ZNF749: variants seen among roughly 807,000 people sequenced by gnomAD.
ZNF749 encodes zinc finger protein 749.
Under a neutral mutation model 7.3 loss-of-function variants are expected in ZNF749, and 8 were observed. The observed-to-expected ratio is 1.10, with a 90% CI of 0.64 to 1.98. ZNF749 has a LOEUF of 1.98. Ranked by LOEUF, ZNF749 falls within the 30% of genes most tolerant of loss-of-function variation. ZNF749 has a pLI of 0.00. For missense variants in ZNF749, 898 were observed against 932.4 expected (o/e 0.96, Z 0.48); for synonymous variants, 310 against 322.4 (o/e 0.96, Z 0.41).
upstream of ZNF749, among the ~76,000 whole-genome samples, chr19:57,430,475 A>G (rs1298560329): frequency 2.0e-5 from 3 of 152,254 alleles, no homozygotes; most frequent in South Asian, 4.1e-4. Context: ...AAACCATAAC[A>G]TGGTGTAAGT....
In ZNF749 at chr19:57,444,916, G is replaced by C. The variant is rs1390805305; in HGVS notation, c.1768G>C (p.Gly590Arg). 1.2e-6 allele frequency: 2 copies of C among 1,614,086 alleles called. No homozygotes were observed. The highest frequency in any genetic ancestry group is 1.7e-6 in the Non-Finnish European group (2 of 1,179,974). Residue 590 changes from glycine to arginine, a missense_variant, in exon 3 of 3, where the codon GGG becomes CGG. Physicochemically the swap from Gly to Arg is moderately radical, Grantham distance 125. Transcript: ENST00000334181. Reference sequence around the variant, plus strand: ...ACGGCGTTATGAATGCAATGAATGTGGGAAATTCTTTTTGGACAGCTACAA... The same window carrying C: ...ACGGCGTTATGAATGCAATGAATGTCGGAAATTCTTTTTGGACAGCTACAA... ...GERRYECNEC[G>R]KFFLDSYKLV...
At chr19:57,433,936 G>A (rs1195425297), upstream of ZNF749, among the ~76,000 whole-genome samples, 1 of 152,078 alleles carries the variant, frequency 6.6e-6, no homozygotes, top group Non-Finnish European at 1.5e-5. Context: ...GTAAAAAGCT[G>A]AATAAAGCCA....
intron 1 of ZNF749, among the ~76,000 whole-genome samples, chr19:57,437,261 T>A (rs1038934873): frequency 1.4e-5 from 2 of 147,512 alleles, no homozygotes; most frequent in Non-Finnish European, 3.0e-5. Flanking sequence ...GTCTGGGCTA[T>A]TTTTTTTTTT....
chr19:57,441,419 A>G (rs1194245745), intron 1 of ZNF749, among the ~76,000 whole-genome samples: 2 of 152,164 alleles, frequency 1.3e-5, no homozygotes, highest in East Asian at 3.9e-4. Context: ...GATGACAGAG[A>G]GGCTAATGGC....
Position 57,444,584 on chromosome 19 carries a change from G to C in ZNF749, c.1436G>C (p.Arg479Thr). Reference protein sequence around the residue: ...DLIQHKRIDIRPRPYTCSECG... With the variant: ...DLIQHKRIDITPRPYTCSECG... ...ATTCAACACAAGAGGATTGACATTAGGCCAAGGCCTTATACATGCAGTGAA... is the reference window on the plus strand; with the variant it reads ...ATTCAACACAAGAGGATTGACATTACGCCAAGGCCTTATACATGCAGTGAA... Residue 479 changes from arginine (R) to threonine (T), a missense_variant, in exon 3 of 3, where the codon AGG becomes ACG. Arg to Thr is a moderately conservative substitution (Grantham distance 71). Coordinates refer to ENST00000334181, the MANE Select transcript of ZNF749 (RefSeq NM_001023561.4). The C allele has an allele frequency of 6.2e-7, 1 of 1,613,542 alleles. No homozygotes were observed.
upstream of ZNF749, among the ~76,000 whole-genome samples, chr19:57,433,646 C>T (rs1170209890): frequency 6.7e-6 from 1 of 148,582 alleles, no homozygotes; most frequent in African/African-American, 2.5e-5. Context: ...AACTGGTTGG[C>T]AAACTAAATT....
rs1256536027 is a variant in ZNF749, at chr19:57,435,612, G to A, written c.15+19G>A. 6.2e-7 allele frequency: 1 copy of A among 1,601,172 alleles called. No individual in the cohort carries two copies. Among genetic ancestry groups the A allele is most frequent in the African/African-American group, 1.3e-5 (1 of 74,862 alleles). ...GACCGAGGTGCGTGCAGCGTCCCAG[G>A]CCGCCCCGCCCAACCCCTCCTCCCA... On this transcript the variant is annotated intron_variant, in intron 1 of 2. Transcript: ENST00000334181.
chr19:57,433,503 G>C (rs929720625), upstream of ZNF749, among the ~76,000 whole-genome samples: 4 of 152,150 alleles, frequency 2.6e-5, no homozygotes, highest in Admixed American at 2.6e-4. Context: ...ACGTTAGTGG[G>C]ATTTCTTATT....
upstream of ZNF749, among the ~76,000 whole-genome samples, chr19:57,432,537 G>C (rs2088903931): frequency 7.0e-6 from 1 of 142,926 alleles, no homozygotes; most frequent in Non-Finnish European, 1.5e-5. Flanking sequence ...ACTGCAGCCT[G>C]GGCAACAGAG....
chr19:57,441,145 A>C (rs7255612), intron 1 of ZNF749, among the ~76,000 whole-genome samples: 44,595 of 141,232 alleles, frequency 0.32, 7,225 homozygotes, highest in African/African-American at 0.34. Flanking sequence ...AAAAGAGGGT[A>C]GGGCGCCCTG....
In ZNF749 at chr19:57,443,685, G is replaced by C. The variant is rs150342259; in HGVS notation, c.537G>C (p.Leu179=). The C allele has an allele frequency of 3.7e-6, 6 of 1,613,984 alleles. No individual in the cohort carries two copies. The African/African-American group carries it at 6.7e-5, about 18-fold the overall frequency. The change falls in exon 3 of 3, where the codon CTG becomes CTC. Residue 179 remains leucine (L), a synonymous_variant. Coordinates refer to ENST00000334181, the MANE Select transcript of ZNF749 (RefSeq NM_001023561.4). The part of the protein sequence containing the change: ...QQQVLNSGWK[L]YRDTQDGEAF... ...AGGTCTTAAACAGTGGGTGGAAGCTGTACAGGGATACCCAGGATGGGGAAG... is the reference window on the plus strand; with the variant it reads ...AGGTCTTAAACAGTGGGTGGAAGCTCTACAGGGATACCCAGGATGGGGAAG...
At position 57,445,173 on chromosome 19, in the gene ZNF749, GTTTC is replaced by G. The variant is rs1227134022; in HGVS notation, c.2028_2031del (p.Phe676LeufsTer50). 6.2e-7 allele frequency: 1 copy of G among 1,614,164 alleles called. No individual in the cohort carries two copies. The highest frequency in any genetic ancestry group is 1.7e-5 in the Admixed American group (1 of 60,020). On this transcript the variant is annotated frameshift_variant, in exon 3 of 3. Transcript: ENST00000334181. LOFTEE classifies it low-confidence loss of function (END_TRUNC). Reference sequence around the variant, plus strand: ...CTTATGAATGCAGCAACTGTGGGAAGTTTCTTAGATACCGCTCTACATTCATTAA... The same window carrying G: ...CTTATGAATGCAGCAACTGTGGGAAGTTAGATACCGCTCTACATTCATTAA...
In ZNF749 at chr19:57,443,288, C is replaced by T; in HGVS notation, c.143-3C>T. The T allele has an allele frequency of 2.5e-6, 4 of 1,589,620 alleles. No homozygotes were observed. Among genetic ancestry groups the T allele is most frequent in the South Asian group, 2.3e-5 (2 of 87,392 alleles). The stretch of plus-strand genomic sequence containing the variant: ...CACTTCACCAGCATTTCTGTTCTTA[C>T]AGGTTGTTGGCATGGAGCCAAGGAT... On this transcript the variant is annotated splice_region_variant and splice_polypyrimidine_tract_variant and intron_variant, in intron 2 of 2. Coordinates refer to ENST00000334181, the MANE Select transcript of ZNF749 (RefSeq NM_001023561.4).
Position 57,443,501 on chromosome 19 carries a change from A to G in ZNF749, c.353A>G (p.His118Arg), listed in dbSNP as rs1462878359. 1.2e-6 allele frequency: 2 copies of G among 1,614,242 alleles called. No homozygotes were observed. Among genetic ancestry groups the G allele is most frequent in the Admixed American group, 1.7e-5 (1 of 60,038 alleles). Residue 118 changes from histidine (H) to arginine (R), a missense_variant, in exon 3 of 3, where the codon CAT (histidine) becomes CGT (arginine). Coordinates refer to ENST00000334181, the MANE Select transcript of ZNF749 (RefSeq NM_001023561.4). ...EQGLYTCAAEHDLHQKEQIRE... is the reference protein window; with the variant it reads ...EQGLYTCAAERDLHQKEQIRE... Reference sequence around the variant, plus strand: ...GGGCTGTACACATGTGCAGCAGAGCATGACCTGCACCAAAAGGAGCAGATT... The same window carrying G: ...GGGCTGTACACATGTGCAGCAGAGCGTGACCTGCACCAAAAGGAGCAGATT...
chr19:57,438,680 C>A (rs1189588220), intron 1 of ZNF749, among the ~76,000 whole-genome samples: 1 of 152,170 alleles, frequency 6.6e-6, no homozygotes, highest in Non-Finnish European at 1.5e-5. Context: ...CAGGCCCCCA[C>A]CACTTATCTC....
In ZNF749 at chr19:57,435,590, C is replaced by T. The variant is rs1333114170; in HGVS notation, c.12C>T (p.Thr4=). Reference sequence around the variant, plus strand: ...AGGAGGCCGCGCCGATGAACCTGACCGAGGTGCGTGCAGCGTCCCAGGCCG... The same window carrying T: ...AGGAGGCCGCGCCGATGAACCTGACTGAGGTGCGTGCAGCGTCCCAGGCCG... MNL[T]EDCMVFEDVA... is the part of the protein sequence containing the mutation. The change falls in exon 1 of 3, where the codon ACC becomes ACT. Residue 4 remains threonine (T), a synonymous_variant. Coordinates refer to ENST00000334181, the MANE Select transcript of ZNF749 (RefSeq NM_001023561.4). 1 of 1,606,344 alleles carries T rather than the reference C, an allele frequency of 6.2e-7. No individual in the cohort carries two copies. The highest frequency in any genetic ancestry group is 8.5e-7 in the Non-Finnish European group (1 of 1,177,490).
rs2088961647 is a variant in ZNF749 at position 57,439,006 on chromosome 19, A to T, written c.16-2879A>T. ...GGTTGGGGCATACAGGGCATGCGGG[A>T]TCGGCATGGAATGGCAGTCTAAGGT... is the stretch of plus-strand genomic sequence containing the variant. On this transcript the variant is annotated intron_variant, in intron 1 of 2. Transcript: ENST00000334181. This position sits in a 1 kb window ranked among gnomAD's most constrained non-coding sequence, Gnocchi z 4.3. Among the ~76,000 whole-genome samples the T allele has an allele frequency of 6.6e-6, 1 of 152,156 alleles. No homozygotes were observed. Among genetic ancestry groups the T allele is most frequent in the Admixed American group, 6.5e-5 (1 of 15,280 alleles).
rs376505582 is a variant in ZNF749, at chr19:57,443,852, A to G, written c.704A>G (p.Tyr235Cys). The change falls in exon 3 of 3, where the codon TAC becomes TGC. Residue 235 changes from tyrosine (Y) to cysteine (C), a missense_variant. Physicochemically the swap from Tyr to Cys is radical, Grantham distance 194. Coordinates refer to ENST00000334181, the MANE Select transcript of ZNF749 (RefSeq NM_001023561.4). ...EFSECGELFRYNSNLIKYQQN... is the reference protein window; with the variant it reads ...EFSECGELFRCNSNLIKYQQN... ...AGTGAATGTGGGGAATTGTTTAGGT[A>G]CAACTCCAACCTTATTAAATATCAG... 23 of 1,613,736 alleles carry G rather than the reference A, an allele frequency of 1.4e-5. No homozygotes were observed. Among genetic ancestry groups the G allele is most frequent in the Non-Finnish European group, 1.8e-5 (21 of 1,179,730 alleles).
At chr19:57,443,255 T>C (rs2089011546) in intron 2 of ZNF749, 36 bp from the exon 3 acceptor site, 1 of 1,545,626 alleles carries the variant, frequency 6.5e-7, no homozygotes, top group Non-Finnish European at 8.8e-7. Context: ...CCCTCCGGAG[T>C]TCACGTGCAC....
Sources: allele counts gnomAD v4.1 joint callset (sites outside exome capture counted in the v4.1 genomes callset), GRCh38; gene constraint gnomAD v4.1.1; non-coding constraint Gnocchi (gnomAD v3.1); transcripts MANE v1.5; gene names NCBI Gene and HGNC (gene_info 2026-07-23, HGNC 2026-07-21).